Variants in ANKRD33B observed in about 807,000 individuals in gnomAD.
The protein encoded by ANKRD33B is ankyrin repeat domain 33B, also known as ankyrin repeat domain-containing protein 33B.
Under a neutral mutation model 21.5 loss-of-function variants are expected in ANKRD33B, and 6 were observed. That is an observed-to-expected ratio of 0.28 (90% CI 0.15 to 0.55). The LOEUF is 0.55. Ranked by LOEUF, ANKRD33B falls within the 20% of genes least tolerant of loss-of-function variation. The pLI is 0.94. For missense variants in ANKRD33B, 698 were observed against 747.2 expected (o/e 0.93, Z 0.77); for synonymous variants, 347 against 342.4 (o/e 1.01, Z -0.15).
In ANKRD33B at chr5:10,564,434, G is replaced by T. The variant is rs1032869644; in HGVS notation, c.-34G>T. 1 of 1,051,108 alleles carries T rather than the reference G, an allele frequency of 9.5e-7. No individual in the cohort carries two copies. The highest frequency in any genetic ancestry group is 1.7e-5 in the African/African-American group (1 of 58,678). The allele number at this position is 1,051,108 out of a possible 1,614,324, so 65.1% of individuals were successfully genotyped here. A position where few individuals can be genotyped will look rare whatever the true frequency, so the allele number is the denominator to read the frequency against. On this transcript the variant is annotated 5_prime_UTR_variant, in exon 1 of 4. Coordinates refer to ENST00000296657, the MANE Select transcript of ANKRD33B (RefSeq NM_001164440.2). ...CCCGCGTCCCGCTCTTCCTGCCCGC[G>T]CCCCGGCCCCCGGCCCGCGCCCCGG...
At chr5:10,626,115 G>A (rs1370103515) in intron 2 of ANKRD33B, among the ~76,000 whole-genome samples, 3 of 152,208 alleles carry the variant, frequency 2.0e-5, no homozygotes, top group Admixed American at 1.3e-4. Flanking sequence ...GCCAGGGGCC[G>A]GAGTGGGAGG....
At position 10,654,534 on chromosome 5, in the gene ANKRD33B, C is replaced by T. The variant is rs1201794920; in HGVS notation, c.*4421C>T. On this transcript the variant is annotated 3_prime_UTR_variant, in exon 4 of 4. Transcript: ENST00000296657. ...ACAATGTCGATGCTGCTGATGACAACTGAGATGCCTGGAGCTCACCCTTGA... is the reference window on the plus strand; with the variant it reads ...ACAATGTCGATGCTGCTGATGACAATTGAGATGCCTGGAGCTCACCCTTGA... 1 of 152,408 alleles carries T rather than the reference C, an allele frequency of 6.6e-6. No individual in the cohort carries two copies. The highest frequency in any genetic ancestry group is 1.5e-5 in the Non-Finnish European group (1 of 68,064). 9.4% of individuals were successfully genotyped at this position (152,408 alleles called of 1,614,324 possible).
intron 3 of ANKRD33B, among the ~76,000 whole-genome samples, chr5:10,646,412 C>T (rs1301052153): frequency 6.6e-6 from 1 of 152,164 alleles, no homozygotes; most frequent in Non-Finnish European, 1.5e-5. Flanking sequence ...ACAGTTGCTT[C>T]CTAAGGCAGC....
intron 3 of ANKRD33B, among the ~76,000 whole-genome samples, chr5:10,640,577 A>C (rs1737026052): frequency 1.3e-5 from 2 of 152,244 alleles, no homozygotes; most frequent in South Asian, 4.1e-4. Flanking sequence ...GTCGTGTTAG[A>C]TTCAGTTAGC....
chr5:10,579,351 TG>T (rs1026539727), intron 1 of ANKRD33B, among the ~76,000 whole-genome samples: 2 of 132,546 alleles, frequency 1.5e-5, no homozygotes, highest in African/African-American at 5.3e-5. Context: ...TGCTAAGTAA[TG>T]GTTTTTTTTT....
intron 1 of ANKRD33B, among the ~76,000 whole-genome samples, chr5:10,565,340 C>G (rs1735023787): frequency 6.6e-6 from 1 of 152,262 alleles, no homozygotes; most frequent in Non-Finnish European, 1.5e-5. Flanking sequence ...ATCGGCTCCT[C>G]CAGCCGCAAT....
intron 3 of ANKRD33B, among the ~76,000 whole-genome samples, chr5:10,647,165 T>TG (rs1490989957): frequency 6.6e-6 from 1 of 151,894 alleles, no homozygotes; most frequent in Non-Finnish European, 1.5e-5. Context: ...AGTGCGGTGG[T>TG]GCGATCTCGG....
At chr5:10,627,270 G>A (rs1275018205) in intron 2 of ANKRD33B, 2 of 152,230 alleles carry the variant, frequency 1.3e-5, no homozygotes, top group Admixed American at 1.3e-4. Context: ...GGATAGAGTT[G>A]TGTGTTTATT....
chr5:10,591,495 TTGAA>T (rs979685018), intron 1 of ANKRD33B, among the ~76,000 whole-genome samples: 2 of 152,158 alleles, frequency 1.3e-5, no homozygotes, highest in African/African-American at 4.8e-5. Context: ...GTTTTTATGA[TTGAA>T]TATTTAATGA....
intron 3 of ANKRD33B, among the ~76,000 whole-genome samples, chr5:10,641,075 A>G (rs1222246642): frequency 6.6e-6 from 1 of 151,878 alleles, no homozygotes; most frequent in African/African-American, 2.4e-5. Flanking sequence ...CCACAGCACC[A>G]CCCCTGTCTT....
chr5:10,615,716 G>A (rs1171072411), intron 1 of ANKRD33B, among the ~76,000 whole-genome samples: 2 of 152,182 alleles, frequency 1.3e-5, no homozygotes, highest in African/African-American at 4.8e-5. Context: ...TATATGCAAA[G>A]GAAGATGTTA....
chr5:10,616,446 C>T (rs1041686469), intron 1 of ANKRD33B, among the ~76,000 whole-genome samples: 4 of 151,316 alleles, frequency 2.6e-5, no homozygotes, highest in Admixed American at 6.6e-5. Context: ...TGACTGTAAT[C>T]CCAGTTACTT....
At chr5:10,590,568 C>G (rs564610479) in intron 1 of ANKRD33B, among the ~76,000 whole-genome samples, 1 of 151,252 alleles carries the variant, frequency 6.6e-6, no homozygotes, top group South Asian at 2.1e-4. Context: ...AATTTGTAGA[C>G]TTTCTTAAAA....
rs1020337161 is a variant in ANKRD33B at position 10,650,623 on chromosome 5, T to G, written c.*510T>G. On this transcript the variant is annotated 3_prime_UTR_variant, in exon 4 of 4. Coordinates refer to ENST00000296657, the MANE Select transcript of ANKRD33B (RefSeq NM_001164440.2). ...TTCTCCCCTTTTTGGCTGTTTGGTC[T>G]TTTCTCCTCATCGTGGGTGTAGGTG... is the stretch of plus-strand genomic sequence containing the variant. 6.6e-6 allele frequency: 1 copy of G among 152,346 alleles called. No homozygotes were observed. Among genetic ancestry groups the G allele is most frequent in the Non-Finnish European group, 1.5e-5 (1 of 68,062 alleles). 9.4% of individuals were successfully genotyped at this position (152,346 alleles called of 1,614,324 possible).
chr5:10,617,749 TCTCA>T (rs879262305), intron 1 of ANKRD33B, among the ~76,000 whole-genome samples: 2 of 152,088 alleles, frequency 1.3e-5, no homozygotes, highest in Non-Finnish European at 2.9e-5. Context: ...CTCCTCCTCT[TCTCA>T]CTCACTCTGC....
intron 1 of ANKRD33B, among the ~76,000 whole-genome samples, chr5:10,589,314 C>A (rs928423839): frequency 6.6e-6 from 1 of 152,170 alleles, no homozygotes; most frequent in Non-Finnish European, 1.5e-5. Flanking sequence ...TGTCCTCTTC[C>A]TTCCAGACCT....
At chr5:10,590,880 C>G (rs1370158334) in intron 1 of ANKRD33B, among the ~76,000 whole-genome samples, 1 of 152,088 alleles carries the variant, frequency 6.6e-6, no homozygotes. Context: ...CGCCTTCTTT[C>G]TGGAATACAA....
Position 10,649,992 on chromosome 5 carries a change from T to C in ANKRD33B, c.1364T>C (p.Ile455Thr). 2 of 1,533,424 alleles carry C rather than the reference T, an allele frequency of 1.3e-6. No individual in the cohort carries two copies. Among genetic ancestry groups the C allele is most frequent in the Non-Finnish European group, 1.7e-6 (2 of 1,144,850 alleles). 95.0% of individuals were successfully genotyped at this position (1,533,424 alleles called of 1,614,324 possible). ...GSTKDSGHLQ[I>T]PKWRYKEAKE... ...ACCAAGGACAGCGGCCACCTGCAGA[T>C]CCCCAAGTGGCGGTACAAGGAGGCC... is the stretch of plus-strand genomic sequence containing the variant. Residue 455 changes from isoleucine to threonine, a missense_variant, in exon 4 of 4, where the codon ATC becomes ACC. Transcript: ENST00000296657.
intron 1 of ANKRD33B, among the ~76,000 whole-genome samples, chr5:10,613,194 C>T (rs77188350): frequency 0.012 from 1,759 of 152,192 alleles, 14 homozygotes; most frequent in African/African-American, 0.029. Flanking sequence ...CTGGGCCTCA[C>T]GCAGCATCCG....
Sources: gnomAD v4.1 joint callset for allele counts (sites outside exome capture counted in the v4.1 genomes callset) on GRCh38, gnomAD v4.1.1 for gene constraint, MANE v1.5 for transcripts, NCBI Gene and HGNC (gene_info 2026-07-23, HGNC 2026-07-21) for gene names.